TCTN2: variants seen among roughly 807,000 people sequenced by gnomAD.
TCTN2 encodes the protein tectonic-2.
In TCTN2, 66 loss-of-function variants were observed where a neutral mutation model predicts 83.4. The observed-to-expected ratio is 0.79, with a 90% confidence interval of 0.65 to 0.97. TCTN2 has a LOEUF of 0.97. Among genes scored for constraint, TCTN2 ranks in the 50% least tolerant of loss-of-function variants. The probability of loss-of-function intolerance (pLI) is 0.00; values close to 1 mark genes in which losing one functional copy is unlikely to be tolerated. For missense variants in TCTN2, 794 were observed against 858.1 expected (o/e 0.93, Z 0.93); for synonymous variants, 301 against 326.7 (o/e 0.92, Z 0.85).
Position 123,673,764 on chromosome 12 carries a change from T to G in TCTN2, c.417T>G (p.Ile139Met), listed in dbSNP as rs771713702. 6.2e-7 allele frequency: 1 copy of G among 1,614,184 alleles called. No homozygotes were observed. The highest frequency in any genetic ancestry group is 1.7e-5 in the Admixed American group (1 of 60,020). The part of the protein sequence containing the change: ...HNSSCSAHLL[I>M]QVEIYANSSL... ...CATCCTGTTCAGCACATCTACTCATTCAAGTGGAAATTTATGCCAACTCTT... is the reference window on the plus strand; with the variant it reads ...CATCCTGTTCAGCACATCTACTCATGCAAGTGGAAATTTATGCCAACTCTT... The change falls in exon 4 of 18, where the codon ATT (isoleucine) becomes ATG (methionine). Residue 139 changes from isoleucine to methionine, a missense_variant. By Grantham distance (10) the Ile-to-Met change is conservative (BLOSUM62 1). Coordinates refer to ENST00000303372, the MANE Select transcript of TCTN2 (RefSeq NM_024809.5).
At chr12:123,674,671 A>G (rs1593832455) in intron 4 of TCTN2, among the ~76,000 whole-genome samples, 1 of 152,086 alleles carries the variant, frequency 6.6e-6, no homozygotes, top group Admixed American at 6.6e-5. Flanking sequence ...AGGCGGGGGA[A>G]TTTCTTGAGC....
chr12:123,679,455 G>A (rs956408912), intron 5 of TCTN2, among the ~76,000 whole-genome samples, 166 bp downstream of exon 5: 14 of 152,114 alleles, frequency 9.2e-5, no homozygotes, highest in South Asian at 2.1e-4. Context: ...TCGACCTCCC[G>A]GGCTCAAGTG....
At chr12:123,700,321 C>T (rs1956157711) in intron 14 of TCTN2, among the ~76,000 whole-genome samples, 1 of 152,146 alleles carries the variant, frequency 6.6e-6, no homozygotes, top group Admixed American at 6.5e-5. Flanking sequence ...GCCTGGCCAA[C>T]AACAGTCTTT....
chr12:123,692,075 A>G (rs1956049873), intron 8 of TCTN2, among the ~76,000 whole-genome samples: 1 of 152,046 alleles, frequency 6.6e-6, no homozygotes, highest in African/African-American at 2.4e-5. Context: ...TTGTATTTTT[A>G]GTAGAGACGA....
chr12:123,707,077 G>T lies in TCTN2; in HGVS notation c.1984+4G>T, dbSNP rs1593871893. 6.2e-7 allele frequency: 1 copy of T among 1,612,278 alleles called. No homozygotes were observed. Among genetic ancestry groups the T allele is most frequent in the Non-Finnish European group, 8.5e-7 (1 of 1,179,536 alleles). The stretch of plus-strand genomic sequence containing the variant: ...CCATGGACTCAGTATTATCAAGGTA[G>T]GGTGAAACAGATTTCTATGACCAAT... On this transcript the variant is annotated splice_donor_region_variant and intron_variant, in intron 17 of 17. Transcript: ENST00000303372.
intron 14 of TCTN2, among the ~76,000 whole-genome samples, chr12:123,702,543 C>A (rs376595316): frequency 6.6e-6 from 1 of 152,198 alleles, no homozygotes; most frequent in African/African-American, 2.4e-5. Flanking sequence ...ACTCCACCCC[C>A]ACGGGGCACT....
At chr12:123,689,902 G>A (rs1213767106) in intron 7 of TCTN2, among the ~76,000 whole-genome samples, 2 of 152,180 alleles carry the variant, frequency 1.3e-5, no homozygotes, top group East Asian at 3.8e-4. Flanking sequence ...ATGGGCTCAA[G>A]CAATCCTCCC....
chr12:123,697,491 T>G (rs1956123719), intron 13 of TCTN2, among the ~76,000 whole-genome samples: 1 of 152,128 alleles, frequency 6.6e-6, no homozygotes, highest in Non-Finnish European at 1.5e-5. Flanking sequence ...GAACCTTTTT[T>G]GTTGTTGTTG....
chr12:123,674,638 A>G (rs7133199), intron 4 of TCTN2, among the ~76,000 whole-genome samples: 1 of 151,952 alleles, frequency 6.6e-6, no homozygotes, highest in Admixed American at 6.6e-5. Flanking sequence ...TGGCTCCCAC[A>G]CTGTAAGTGC....
intron 13 of TCTN2, among the ~76,000 whole-genome samples, chr12:123,699,221 T>G (rs140691402): frequency 6.9e-4 from 104 of 151,636 alleles, no homozygotes; most frequent in African/African-American, 2.2e-3. Flanking sequence ...TGGTACGATC[T>G]CAGCTCACTG....
At chr12:123,694,743 G>T in intron 9 of TCTN2, 99 bp from the exon 10 acceptor site, 1 of 1,324,442 alleles carries the variant, frequency 7.6e-7, no homozygotes, top group South Asian at 1.2e-5. Flanking sequence ...GCAGGGGCAG[G>T]GCACTTGGGG....
intron 15 of TCTN2, among the ~76,000 whole-genome samples, chr12:123,705,049 G>A (rs1956213805): frequency 6.6e-6 from 1 of 152,114 alleles, no homozygotes; most frequent in African/African-American, 2.4e-5. Flanking sequence ...TTCAAATCAT[G>A]GCTGTCCTAC....
chr12:123,676,028 C>T (rs2135819220), intron 4 of TCTN2, among the ~76,000 whole-genome samples: 1 of 152,240 alleles, frequency 6.6e-6, no homozygotes. Flanking sequence ...CCTGTAATCC[C>T]AACACTTTTA....
intron 5 of TCTN2, among the ~76,000 whole-genome samples, chr12:123,686,196 A>C (rs1955964748): frequency 1.3e-5 from 2 of 151,858 alleles, no homozygotes; most frequent in South Asian, 4.2e-4. Flanking sequence ...ACAGGTGCCC[A>C]CCACCACACC....
chr12:123,690,572 G>T lies in TCTN2; in HGVS notation c.931G>T (p.Ala311Ser), dbSNP rs778245987. The T allele has an allele frequency of 6.2e-7, 1 of 1,614,158 alleles. No individual in the cohort carries two copies. Among genetic ancestry groups the T allele is most frequent in the South Asian group, 1.1e-5 (1 of 91,086 alleles). Residue 311 changes from alanine (A) to serine (S), a missense_variant, in exon 8 of 18, where the codon GCA (alanine) becomes TCA (serine). Transcript: ENST00000303372. ...AGQCMQNAPV[A>S]FLHNFDVKCV... is the part of the protein sequence containing the mutation. Reference sequence around the variant, plus strand: ...GCAGTGTATGCAGAACGCCCCAGTGGCATTTCTTCACAATTTTGATGTTAA... The same window carrying T: ...GCAGTGTATGCAGAACGCCCCAGTGTCATTTCTTCACAATTTTGATGTTAA...
Position 123,680,741 on chromosome 12 carries a change from T to C in TCTN2, c.564+1452T>C, listed in dbSNP as rs370640880. 4.0e-4 allele frequency among the ~76,000 whole-genome samples: 61 copies of C among 151,556 alleles called. No homozygotes were observed. The East Asian group carries it at 1.0e-2, about 25-fold the overall frequency. ...CATGTTGGCCAGGCTGGTCTTAAAC[T>C]CCTGACCTCAGGTGATCTGCCTACC... On this transcript the variant is annotated intron_variant, in intron 5 of 17. Coordinates refer to ENST00000303372, the MANE Select transcript of TCTN2 (RefSeq NM_024809.5).
intron 7 of TCTN2, 100 bp from the exon 8 acceptor site, chr12:123,690,433 G>T: frequency 6.5e-7 from 1 of 1,539,316 alleles, no homozygotes; most frequent in South Asian, 1.2e-5. Context: ...GACCAGCAAT[G>T]GGAGCAGGCT....
In TCTN2 at chr12:123,672,046, C is replaced by T. The variant is rs1955759250; in HGVS notation, c.191-10C>T. 1 of 1,613,874 alleles carries T rather than the reference C, an allele frequency of 6.2e-7. No individual in the cohort carries two copies. The highest frequency in any genetic ancestry group is 8.5e-7 in the Non-Finnish European group (1 of 1,179,808). ...CTTGCTGCCTTTGCATGCTGGTCTT[C>T]TTTCTTTAGGAATATTGCCAATTCC... On this transcript the variant is annotated splice_polypyrimidine_tract_variant and intron_variant, in intron 2 of 17. Coordinates refer to ENST00000303372, the MANE Select transcript of TCTN2 (RefSeq NM_024809.5).
intron 14 of TCTN2, among the ~76,000 whole-genome samples, chr12:123,703,477 C>T (rs111360102): frequency 0.021 from 3,199 of 152,084 alleles, 95 homozygotes; most frequent in African/African-American, 0.054. Context: ...CCACCACGCC[C>T]GACTGATTTT....
Sources: gnomAD v4.1 joint callset for allele counts (sites outside exome capture counted in the v4.1 genomes callset) on GRCh38, gnomAD v4.1.1 for gene constraint, MANE v1.5 for transcripts, NCBI Gene and HGNC (gene_info 2026-07-23, HGNC 2026-07-21) for gene names.